MACROD2: variants seen among roughly 807,000 people sequenced by gnomAD.
MACROD2 encodes the protein mono-ADP ribosylhydrolase 2, also known as ADP-ribose glycohydrolase MACROD2.
In MACROD2, 36 loss-of-function variants were observed where a neutral mutation model predicts 70.4. That is an observed-to-expected ratio of 0.51 (90% CI 0.39 to 0.68). The LOEUF (loss-of-function observed/expected upper bound fraction) is 0.68, where lower values mean the gene tolerates loss of function less well. Among genes scored for constraint, MACROD2 ranks in the 30% least tolerant of loss-of-function variants. The probability of loss-of-function intolerance (pLI) is 0.00; values close to 1 mark genes in which losing one functional copy is unlikely to be tolerated. For missense variants in MACROD2, 496 were observed against 538.4 expected (o/e 0.92, Z 0.78); for synonymous variants, 172 against 178.8 (o/e 0.96, Z 0.30).
chr20:16,045,039 A>G (rs112795715), intron 17 of MACROD2, among the ~76,000 whole-genome samples: 16 of 152,270 alleles, frequency 1.1e-4, no homozygotes, highest in Admixed American at 2.6e-4. Flanking sequence ...ATAACACTCA[A>G]TCTTTGCCCT....
rs114932037 is a variant in MACROD2 at position 15,328,317 on chromosome 20, G to A, written c.540+98256G>A. ...AGGGAGAGAGGAGGGGATGAGTGCC[G>A]AGGTGCAATACCACATCTGATCATG... On this transcript the variant is annotated intron_variant, in intron 6 of 17. Coordinates refer to ENST00000684519, the MANE Select transcript of MACROD2 (RefSeq NM_001351661.2). 2.7e-3 allele frequency among the ~76,000 whole-genome samples: 411 copies of A among 152,172 alleles called. 4 individuals carry two copies. The highest frequency in any genetic ancestry group is 9.5e-3 in the African/African-American group (394 of 41,526).
chr20:14,707,158 A>G (rs1463907433), intron 5 of MACROD2, among the ~76,000 whole-genome samples: 2 of 152,158 alleles, frequency 1.3e-5, no homozygotes, highest in Non-Finnish European at 2.9e-5. Flanking sequence ...AATTCCAGTC[A>G]TCTCCTAAAA....
chr20:15,000,234 C>T (rs958405492), intron 5 of MACROD2, among the ~76,000 whole-genome samples: 1 of 152,044 alleles, frequency 6.6e-6, no homozygotes, highest in Non-Finnish European at 1.5e-5. Context: ...GAAAGCAAAA[C>T]AAAACACAAA....
At position 14,990,625 on chromosome 20, in the gene MACROD2, T is replaced by A. The variant is rs180748260; in HGVS notation, c.419-239315T>A. ...GCCTCTCAGGTTGAAGCAATTCTCC[T>A]GCCTCAGCCTCCCAAGTAGCAGGGA... On this transcript the variant is annotated intron_variant, in intron 5 of 17. Coordinates refer to ENST00000684519, the MANE Select transcript of MACROD2 (RefSeq NM_001351661.2). 6.8e-4 allele frequency among the ~76,000 whole-genome samples: 103 copies of A among 151,382 alleles called. 1 individual carries two copies. The highest frequency in any genetic ancestry group is 2.4e-3 in the African/African-American group (100 of 41,290).
intron 9 of MACROD2, among the ~76,000 whole-genome samples, chr20:15,874,542 G>A (rs927344729): frequency 9.9e-5 from 15 of 152,104 alleles, no homozygotes; most frequent in Non-Finnish European, 1.8e-4. Context: ...CAGTGTAAAA[G>A]CGTTCCTATT....
intron 6 of MACROD2, among the ~76,000 whole-genome samples, chr20:15,238,948 A>T (rs2077036986): frequency 6.6e-6 from 1 of 152,190 alleles, no homozygotes. Flanking sequence ...TAGAAACAGT[A>T]AAGAGATTTG....
intron 8 of MACROD2, among the ~76,000 whole-genome samples, chr20:15,676,190 A>G (rs1339593146): frequency 6.6e-6 from 1 of 152,234 alleles, no homozygotes; most frequent in Non-Finnish European, 1.5e-5. Flanking sequence ...TCTTTATTAA[A>G]GGAATCTGCA....
At chr20:14,758,096 C>CA (rs1274230645) in intron 5 of MACROD2, 3 of 346,980 alleles carry the variant, frequency 8.6e-6, no homozygotes, top group African/African-American at 4.3e-5. Flanking sequence ...AACATCCAGC[C>CA]AAAAAAGCTT....
At chr20:15,829,345 G>A (rs16996634) in intron 8 of MACROD2, among the ~76,000 whole-genome samples, 3,302 of 152,216 alleles carry the variant, frequency 0.022, 139 homozygotes, top group African/African-American at 0.076. Context: ...AGAACACATC[G>A]TATTCCGTGT....
chr20:15,834,325 G>A (rs1281115184), intron 8 of MACROD2, among the ~76,000 whole-genome samples: 3 of 152,122 alleles, frequency 2.0e-5, no homozygotes, highest in Non-Finnish European at 4.4e-5. Flanking sequence ...GGGCGACAGA[G>A]CTAGACTCTG....
At chr20:15,933,020 G>A (rs778763605) in intron 10 of MACROD2, among the ~76,000 whole-genome samples, 4 of 152,246 alleles carry the variant, frequency 2.6e-5, no homozygotes, top group African/African-American at 4.8e-5. Flanking sequence ...ACTTGTTACC[G>A]GGACTGCTGA....
chr20:14,355,429 C>G lies in MACROD2; in HGVS notation c.272-138050C>G, dbSNP rs146545381. ...AACTCAGTAATTTCTGTTCTAGAAG[C>G]TAGCCTGAGGAAACTGTAAGAAAGA... On this transcript the variant is annotated intron_variant, in intron 3 of 17. Transcript: ENST00000684519. Among the ~76,000 whole-genome samples, 18 of 152,192 alleles carry G rather than the reference C, an allele frequency of 1.2e-4. No homozygotes were observed. In the East Asian group the frequency reaches 3.5e-3, roughly 29 times the overall value.
At chr20:15,111,146 C>G (rs907030968) in intron 5 of MACROD2, among the ~76,000 whole-genome samples, 1 of 149,766 alleles carries the variant, frequency 6.7e-6, no homozygotes, top group African/African-American at 2.5e-5. Flanking sequence ...TTTTTACTTC[C>G]GTAGTGTTTT....
chr20:15,829,325 A>G (rs1014073587), intron 8 of MACROD2, among the ~76,000 whole-genome samples: 1 of 152,202 alleles, frequency 6.6e-6, no homozygotes, highest in Non-Finnish European at 1.5e-5. Context: ...CATTGCAGCA[A>G]CTTATCAGTA....
chr20:14,594,708 A>G (rs1982003927), intron 4 of MACROD2, among the ~76,000 whole-genome samples: 1 of 152,204 alleles, frequency 6.6e-6, no homozygotes, highest in Non-Finnish European at 1.5e-5. Context: ...CCTGGCCAAT[A>G]TGGTGAAACC....
chr20:15,011,212 T>C (rs1418400027), intron 5 of MACROD2, among the ~76,000 whole-genome samples: 1 of 152,106 alleles, frequency 6.6e-6, no homozygotes, highest in Non-Finnish European at 1.5e-5. Context: ...TCTGAGACAG[T>C]TTGTCACTTA....
intron 3 of MACROD2, among the ~76,000 whole-genome samples, chr20:14,461,712 G>A (rs561850292): frequency 4.7e-5 from 7 of 149,776 alleles, no homozygotes; most frequent in African/African-American, 1.5e-4. Context: ...GTGTCCATGT[G>A]TTCTCATTGT....
intron 2 of MACROD2, among the ~76,000 whole-genome samples, chr20:14,013,901 C>T (rs536018395): frequency 3.3e-5 from 5 of 151,878 alleles, no homozygotes; most frequent in South Asian, 4.2e-4. Context: ...AGGCTGGTCT[C>T]GACCTCAGGT....
intron 4 of MACROD2, among the ~76,000 whole-genome samples, chr20:14,662,501 A>G (rs188465928): frequency 7.9e-5 from 12 of 152,334 alleles, no homozygotes; most frequent in African/African-American, 2.6e-4. Flanking sequence ...AGCTAATTAA[A>G]CTAAAGGCCT....
Sources: gnomAD v4.1 joint callset for allele counts (sites outside exome capture counted in the v4.1 genomes callset) on GRCh38, gnomAD v4.1.1 for gene constraint, MANE v1.5 for transcripts, NCBI Gene and HGNC (gene_info 2026-07-23, HGNC 2026-07-21) for gene names.